The following SDK1 variants were observed in gnomAD, a reference collection of about 807,000 sequenced individuals.
SDK1 encodes protein sidekick-1.
SDK1 carries 157 observed loss-of-function variants against 245.5 expected under a neutral mutation model. The ratio of observed to expected loss-of-function variants is 0.64; its 90% CI spans 0.56 to 0.73. The LOEUF is 0.73. Ranked by LOEUF, SDK1 falls within the 30% of genes least tolerant of loss-of-function variation. The pLI is 0.00. For missense variants in SDK1, 3,583 were observed against 3,002.3 expected (o/e 1.19, Z -4.52); for synonymous variants, 1,647 against 1,278.5 (o/e 1.29, Z -6.15).
At chr7:3,863,721 T>C (rs10257812) in intron 5 of SDK1, among the ~76,000 whole-genome samples, 9,911 of 152,278 alleles carry the variant, frequency 0.065, 1,001 homozygotes, top group African/African-American at 0.21. Flanking sequence ...TTTCACTCAG[T>C]GCAATGTCTT....
intron 1 of SDK1, among the ~76,000 whole-genome samples, chr7:3,439,614 C>A (rs981008695): frequency 1.3e-5 from 2 of 152,230 alleles, no homozygotes. Context: ...ATAGTTAATA[C>A]TTTCTAATGG....
At chr7:3,469,223 G>C (rs1781107364) in intron 1 of SDK1, among the ~76,000 whole-genome samples, 1 of 152,138 alleles carries the variant, frequency 6.6e-6, no homozygotes, top group Non-Finnish European at 1.5e-5. Context: ...AGAAGTTCGA[G>C]ACCAGCCTGG....
intron 22 of SDK1, among the ~76,000 whole-genome samples, chr7:4,099,440 C>CCCAGGTGTGCCAGGTCCAGTGG (rs1782393116): frequency 7.2e-6 from 1 of 139,538 alleles, no homozygotes; most frequent in African/African-American, 2.7e-5. Context: ...CCGGGCCAGG[C>CCCAGGTGTGCCAGGTCCAGTGG]AAGGTTAGGA....
At chr7:3,603,392 C>T (rs956082252) in intron 1 of SDK1, among the ~76,000 whole-genome samples, 1 of 151,152 alleles carries the variant, frequency 6.6e-6, no homozygotes, top group African/African-American at 2.4e-5. Flanking sequence ...TGAAGAGGTC[C>T]TTCATATCCC....
At chr7:3,385,966 T>G (rs993717448) in intron 1 of SDK1, among the ~76,000 whole-genome samples, 1 of 152,132 alleles carries the variant, frequency 6.6e-6, no homozygotes, top group African/African-American at 2.4e-5. Flanking sequence ...CTCCCTTTCC[T>G]CTGCATGGAT....
chr7:3,532,174 T>G (rs566947464), intron 1 of SDK1, among the ~76,000 whole-genome samples: 3 of 152,328 alleles, frequency 2.0e-5, no homozygotes, highest in East Asian at 3.9e-4. Flanking sequence ...GGACTACTGT[T>G]TTTTCCACCT....
In SDK1 at chr7:3,945,634, G is replaced by A. The variant is rs149329636; in HGVS notation, c.848-5289G>A. ...TTGAGGGCCGGGCTTGGTGGCTCAC[G>A]CCTGTAATCCCAGCACTTCGGGAGG... On this transcript the variant is annotated intron_variant, in intron 5 of 44. Transcript: ENST00000404826. 2.1e-3 allele frequency among the ~76,000 whole-genome samples: 314 copies of A among 152,194 alleles called. 2 individuals carry two copies. The highest frequency in any genetic ancestry group is 6.9e-3 in the African/African-American group (286 of 41,530).
At chr7:3,671,037 A>T (rs796767912) in intron 4 of SDK1, among the ~76,000 whole-genome samples, 29 of 152,240 alleles carry the variant, frequency 1.9e-4, no homozygotes, top group African/African-American at 7.0e-4. Flanking sequence ...TAGTTCCTTG[A>T]GGTTTGTTTC....
At chr7:3,339,860 C>T (rs189642939) in intron 1 of SDK1, among the ~76,000 whole-genome samples, 1 of 151,692 alleles carries the variant, frequency 6.6e-6, no homozygotes, top group Admixed American at 6.6e-5. Context: ...GAACGAAGAG[C>T]AGAAGTCAGT....
intron 1 of SDK1, among the ~76,000 whole-genome samples, chr7:3,607,082 A>C (rs1781448345): frequency 6.6e-6 from 1 of 152,186 alleles, no homozygotes; most frequent in African/African-American, 2.4e-5. Context: ...AATGTCATAG[A>C]AAGTGAAGTG....
chr7:4,104,611 C>T (rs913403522), intron 22 of SDK1, among the ~76,000 whole-genome samples: 4 of 152,200 alleles, frequency 2.6e-5, no homozygotes, highest in African/African-American at 9.7e-5. Flanking sequence ...CCCTCCGAAC[C>T]AGTTTTACCA....
intron 21 of SDK1, 143 bp from the exon 22 acceptor site, chr7:4,079,320 C>T (rs1191317880): frequency 4.7e-6 from 5 of 1,057,480 alleles, no homozygotes; most frequent in Non-Finnish European, 7.1e-6. Context: ...TGCTGCTTCT[C>T]ACCTTCATGG....
intron 2 of SDK1, among the ~76,000 whole-genome samples, chr7:3,628,855 T>C (rs1782197468): frequency 6.6e-6 from 1 of 152,198 alleles, no homozygotes. Flanking sequence ...GTTTGCCCTC[T>C]GCTTACTGCC....
At chr7:4,183,068 G>T (rs1248672111) in intron 35 of SDK1, among the ~76,000 whole-genome samples, 1 of 152,292 alleles carries the variant, frequency 6.6e-6, no homozygotes, top group South Asian at 2.1e-4. Context: ...AGTGGGTGCT[G>T]CTGATTGGCT....
intron 34 of SDK1, among the ~76,000 whole-genome samples, chr7:4,177,062 T>C (rs665564): frequency 0.8 from 121,227 of 151,898 alleles, 48,525 homozygotes; most frequent in African/African-American, 0.86. Flanking sequence ...CGAGCCTATG[T>C]TGTGTTCAGG....
intron 4 of SDK1, among the ~76,000 whole-genome samples, chr7:3,668,472 A>T (rs1783602818): frequency 6.6e-6 from 1 of 152,222 alleles, no homozygotes; most frequent in Admixed American, 6.5e-5. Flanking sequence ...AGAAGCTGTC[A>T]CATAAAAACT....
At chr7:3,702,598 A>G (rs1429195572) in intron 4 of SDK1, among the ~76,000 whole-genome samples, 1 of 152,240 alleles carries the variant, frequency 6.6e-6, no homozygotes, top group Non-Finnish European at 1.5e-5. Context: ...CACTGACTCC[A>G]GCACAGAGGC....
At chr7:3,885,440 T>C (rs1781314934) in intron 5 of SDK1, among the ~76,000 whole-genome samples, 1 of 152,070 alleles carries the variant, frequency 6.6e-6, no homozygotes, top group South Asian at 2.1e-4. Flanking sequence ...ATTTGCTCTG[T>C]TTTCTGTTTA....
intron 5 of SDK1, among the ~76,000 whole-genome samples, chr7:3,831,024 C>G (rs1245174297): frequency 2.6e-5 from 4 of 152,110 alleles, no homozygotes; most frequent in Non-Finnish European, 4.4e-5. Context: ...AGTACTTTGT[C>G]TACTCTCCTT....
Sources: gnomAD v4.1 joint callset for allele counts (sites outside exome capture counted in the v4.1 genomes callset) on GRCh38, gnomAD v4.1.1 for gene constraint, MANE v1.5 for transcripts, NCBI Gene and HGNC (gene_info 2026-07-23, HGNC 2026-07-21) for gene names.